The following DOCK7 variants were observed in gnomAD, a reference collection of about 807,000 sequenced individuals.
DOCK7 encodes the protein dedicator of cytokinesis protein 7.
In DOCK7, 138 loss-of-function variants were observed where a neutral mutation model predicts 271.0. The ratio of observed to expected loss-of-function variants is 0.51; its 90% CI spans 0.44 to 0.59. The LOEUF is 0.59. DOCK7 is among the 20% of genes least tolerant of loss of function. The pLI is 0.00. For missense variants in DOCK7, 2,066 were observed against 2,592.4 expected, an observed-to-expected ratio of 0.80 and a Z score of 4.41; for synonymous variants, 823 against 876.1, an observed-to-expected ratio of 0.94 and a Z score of 1.07.
chr1:62,620,745 G>A (rs1053065962), intron 12 of DOCK7, among the ~76,000 whole-genome samples: 3 of 151,580 alleles, frequency 2.0e-5, no homozygotes, highest in Non-Finnish European at 4.4e-5. Context: ...TTAGCCGGGC[G>A]GGATGGCAGG....
intron 16 of DOCK7, among the ~76,000 whole-genome samples, chr1:62,579,655 TC>T (rs1647051718): frequency 7.8e-6 from 1 of 128,458 alleles, no homozygotes; most frequent in African/African-American, 3.1e-5. Flanking sequence ...TGAGCTATGA[TC>T]CTGCCACTGC....
intron 31 of DOCK7, among the ~76,000 whole-genome samples, chr1:62,523,261 T>C (rs1644904899): frequency 6.6e-6 from 1 of 152,172 alleles, no homozygotes; most frequent in African/African-American, 2.4e-5. Context: ...TGTATGACTT[T>C]CTCTACATGG....
intron 1 of DOCK7, among the ~76,000 whole-genome samples, chr1:62,680,689 C>G (rs1483694113): frequency 1.3e-4 from 19 of 151,518 alleles, no homozygotes; most frequent in African/African-American, 2.7e-4. Context: ...AACAAATTTA[C>G]AAGAAAAAAA....
At chr1:62,599,138 C>A (rs1407005515) in intron 14 of DOCK7, among the ~76,000 whole-genome samples, 2 of 152,036 alleles carry the variant, frequency 1.3e-5, no homozygotes, top group African/African-American at 4.8e-5. Flanking sequence ...CAAATTAGAT[C>A]ATGTTTCTCT....
At position 62,523,607 on chromosome 1, in the gene DOCK7, G is replaced by A. The variant is rs530873357; in HGVS notation, c.3936+4544C>T. ...TTCTAGGCTGGGCACAGTGGCTCAC[G>A]CCTGTAATGCCAGCACTTTGAGAGG... is the stretch of plus-strand genomic sequence containing the variant. On this transcript the variant is annotated intron_variant, in intron 31 of 49. Coordinates refer to ENST00000635253, the MANE Select transcript of DOCK7 (RefSeq NM_001367561.1). 5.5e-4 allele frequency among the ~76,000 whole-genome samples: 83 copies of A among 152,252 alleles called. 1 individual carries two copies. The highest frequency in any genetic ancestry group is 9.7e-4 in the Non-Finnish European group (66 of 68,020).
chr1:62,630,708 T>G (rs1463404014), intron 11 of DOCK7, among the ~76,000 whole-genome samples: 1 of 151,694 alleles, frequency 6.6e-6, no homozygotes, highest in Non-Finnish European at 1.5e-5. Context: ...TTATAAAAAA[T>G]CAAAAACAAA....
intron 8 of DOCK7, 163 bp from the exon 9 acceptor site, chr1:62,635,085 A>G (rs1288083435): frequency 9.3e-6 from 4 of 430,668 alleles, no homozygotes. Flanking sequence ...AATCTTAATA[A>G]ATTAAATTTC....
intron 31 of DOCK7, among the ~76,000 whole-genome samples, chr1:62,523,872 TAAA>T (rs1388786430): frequency 4.6e-5 from 7 of 151,950 alleles, no homozygotes; most frequent in African/African-American, 1.7e-4. Flanking sequence ...GTCTCCAAGA[TAAA>T]TAAATAAATA....
At chr1:62,661,544 T>G (rs1272086202) in intron 2 of DOCK7, among the ~76,000 whole-genome samples, 2 of 152,062 alleles carry the variant, frequency 1.3e-5, no homozygotes, top group Non-Finnish European at 2.9e-5. Context: ...ATTCAGCGTT[T>G]TTTGCCCAGA....
At chr1:62,468,289 A>G (rs1645734684) in intron 48 of DOCK7, among the ~76,000 whole-genome samples, 1 of 144,662 alleles carries the variant, frequency 6.9e-6, no homozygotes, top group Non-Finnish European at 1.5e-5. Context: ...TGAACCCGGG[A>G]GGCAGAGGTT....
chr1:62,477,598 C>T (rs1646004003), intron 44 of DOCK7, 102 bp downstream of exon 44: 4 of 1,299,474 alleles, frequency 3.1e-6, no homozygotes, highest in Non-Finnish European at 4.1e-6. Context: ...GTTTACTTGG[C>T]AAGATCTGGC....
At chr1:62,584,473 C>T (rs1647270357) in intron 15 of DOCK7, 9 of 1,037,326 alleles carry the variant, frequency 8.7e-6, no homozygotes, top group Non-Finnish European at 9.3e-6. Flanking sequence ...CCATTTCATA[C>T]ATAAAAACAT....
chr1:62,540,833 G>C (rs1645504613), intron 25 of DOCK7, among the ~76,000 whole-genome samples: 1 of 149,392 alleles, frequency 6.7e-6, no homozygotes, highest in African/African-American at 2.5e-5. Context: ...ATATATGTAA[G>C]ACTACTAAAA....
chr1:62,595,989 G>C (rs1446007394), intron 14 of DOCK7, among the ~76,000 whole-genome samples: 1 of 152,030 alleles, frequency 6.6e-6, no homozygotes, highest in East Asian at 1.9e-4. Context: ...AATTTACACT[G>C]AAATTTATTA....
At chr1:62,522,472 G>A (rs1050156305) in intron 31 of DOCK7, among the ~76,000 whole-genome samples, 1 of 151,838 alleles carries the variant, frequency 6.6e-6, no homozygotes, top group Non-Finnish European at 1.5e-5. Flanking sequence ...AAAAGCATTC[G>A]ATAACAATTC....
chr1:62,508,186 G>A, intron 34 of DOCK7, 128 bp from the exon 35 acceptor site: 1 of 848,580 alleles, frequency 1.2e-6, no homozygotes, highest in Non-Finnish European at 1.7e-6. Context: ...AAAATTACAA[G>A]AGAATAAGAA....
At chr1:62,473,929 G>A in intron 48 of DOCK7, 53 bp downstream of exon 48, 2 of 1,442,882 alleles carry the variant, frequency 1.4e-6, no homozygotes, top group Non-Finnish European at 1.9e-6. Flanking sequence ...ATGTCATACT[G>A]TGGTATTGGA....
intron 18 of DOCK7, among the ~76,000 whole-genome samples, chr1:62,569,703 T>TC (rs1646702713): frequency 6.5e-5 from 8 of 123,498 alleles, no homozygotes; most frequent in African/African-American, 2.2e-4. Flanking sequence ...CTCTCACCAC[T>TC]CTCCCCCCTC....
chr1:62,601,278 T>C (rs1377574163), intron 14 of DOCK7: 1 of 977,000 alleles, frequency 1.0e-6, no homozygotes, highest in Non-Finnish European at 1.6e-6. Context: ...GACTAAAAGA[T>C]AGTTAAGAGA....
Sources: gnomAD v4.1 joint callset for allele counts (sites outside exome capture counted in the v4.1 genomes callset) on GRCh38, gnomAD v4.1.1 for gene constraint, MANE v1.5 for transcripts, NCBI Gene and HGNC (gene_info 2026-07-23, HGNC 2026-07-21) for gene names.